MAP6: variants seen among roughly 807,000 people sequenced by gnomAD.
MAP6 encodes microtubule associated protein 6, also known as microtubule-associated protein 6.
A neutral mutation model predicts 42.4 loss-of-function variants in MAP6; 26 were observed. That is an observed-to-expected ratio of 0.61 (90% CI 0.45 to 0.85). MAP6 has a LOEUF of 0.85. Ranked by LOEUF, MAP6 falls within the 40% of genes least tolerant of loss-of-function variation. MAP6 has a pLI of 0.00. For synonymous variants in MAP6, 418 were observed against 443.8 expected, an observed-to-expected ratio of 0.94 and a Z score of 0.73; for missense variants, 966 against 1,099.0, an observed-to-expected ratio of 0.88 and a Z score of 1.71.
intron 1 of MAP6, among the ~76,000 whole-genome samples, chr11:75,626,268 G>T (rs1943192267): frequency 6.6e-6 from 1 of 152,196 alleles, no homozygotes; most frequent in African/African-American, 2.4e-5. Flanking sequence ...AAGAATCATG[G>T]AGTAGCAGAG....
intron 1 of MAP6, among the ~76,000 whole-genome samples, chr11:75,655,672 G>C (rs1280819332): frequency 6.6e-6 from 1 of 152,236 alleles, no homozygotes; most frequent in Non-Finnish European, 1.5e-5. Context: ...TTAGTGGAGG[G>C]AGATGGTATG....
intron 3 of MAP6, among the ~76,000 whole-genome samples, chr11:75,593,655 G>T (rs571946017): frequency 1.3e-5 from 2 of 152,250 alleles, no homozygotes; most frequent in Admixed American, 1.3e-4. Flanking sequence ...AATTCAGAGA[G>T]TGGGGAGCCT....
At position 75,668,821 on chromosome 11, in the gene MAP6, G is replaced by A; in HGVS notation, c.-452C>T. 6.3e-6 allele frequency: 1 copy of A among 158,562 alleles called. No homozygotes were observed. Among genetic ancestry groups the A allele is most frequent in the Non-Finnish European group, 1.4e-5 (1 of 71,674 alleles). The allele number at this position is 158,562 out of a possible 1,614,324, so 9.8% of individuals were successfully genotyped here. On this transcript the variant is annotated 5_prime_UTR_variant, in exon 1 of 4. Transcript: ENST00000304771. The stretch of plus-strand genomic sequence containing the variant: ...CCGGGCTCGAGTCTCCTTCCTGCCG[G>A]CGTCCTAGTGCAGCCGGCCACCTAG...
intron 1 of MAP6, among the ~76,000 whole-genome samples, chr11:75,647,670 G>A (rs1032355391): frequency 3.3e-5 from 5 of 152,132 alleles, no homozygotes; most frequent in African/African-American, 1.2e-4. Flanking sequence ...GAAGACTTGA[G>A]GAAAGGGAAT....
intron 1 of MAP6, among the ~76,000 whole-genome samples, chr11:75,648,628 CACTG>C (rs1382186396): frequency 4.6e-5 from 7 of 152,216 alleles, no homozygotes; most frequent in Middle Eastern, 3.4e-3. Context: ...GGACTAAGTC[CACTG>C]AATACACTAA....
chr11:75,642,332 G>A (rs1284280102), intron 1 of MAP6, among the ~76,000 whole-genome samples: 1 of 152,196 alleles, frequency 6.6e-6, no homozygotes, highest in Non-Finnish European at 1.5e-5. Context: ...AAGTAATGGA[G>A]TAAATGTTAA....
chr11:75,626,697 A>G (rs1212673108), intron 1 of MAP6, among the ~76,000 whole-genome samples: 1 of 152,184 alleles, frequency 6.6e-6, no homozygotes, highest in Non-Finnish European at 1.5e-5. Flanking sequence ...TACTTAATTT[A>G]AATCTCAGAG....
Position 75,667,377 on chromosome 11 carries a change from G to T in MAP6, c.905+88C>A. 2.4e-6 allele frequency: 3 copies of T among 1,249,850 alleles called. No individual in the cohort carries two copies. Among genetic ancestry groups the T allele is most frequent in the South Asian group, 1.7e-5 (1 of 58,470 alleles). The allele number at this position is 1,249,850 out of a possible 1,614,324, so 77.4% of individuals were successfully genotyped here. ...GGGACTGGAGGGAGGCTGCACGCTA[G>T]GCCTGCGCTGGGGATCCTGGGCCCC... On this transcript the variant is annotated intron_variant, in intron 1 of 3. Coordinates refer to ENST00000304771, the MANE Select transcript of MAP6 (RefSeq NM_033063.2). This position sits in a 1 kb window ranked among gnomAD's most constrained non-coding sequence, Gnocchi z 5.6.
chr11:75,656,589 C>G (rs1327102602), intron 1 of MAP6, among the ~76,000 whole-genome samples: 2 of 152,110 alleles, frequency 1.3e-5, no homozygotes, highest in Non-Finnish European at 2.9e-5. Flanking sequence ...TTGCTGACTC[C>G]TCCCTCACAT....
chr11:75,591,894 G>A (rs1350946046), intron 3 of MAP6, among the ~76,000 whole-genome samples: 2 of 152,194 alleles, frequency 1.3e-5, no homozygotes, highest in African/African-American at 4.8e-5. Flanking sequence ...TGCTAGGTGG[G>A]CGTCTGGAAT....
chr11:75,660,155 T>C (rs936752791), intron 1 of MAP6, among the ~76,000 whole-genome samples: 1 of 152,226 alleles, frequency 6.6e-6, no homozygotes, highest in South Asian at 2.1e-4. Flanking sequence ...ATATCCCTTC[T>C]GCTGTCAGTA....
intron 3 of MAP6, chr11:75,605,500 C>T (rs1480208492): frequency 8.8e-6 from 10 of 1,142,228 alleles, no homozygotes; most frequent in Middle Eastern, 3.8e-4. Flanking sequence ...AGATTCGTTT[C>T]GCCTCTCAGA....
In MAP6 at chr11:75,628,600, T is replaced by A. The variant is rs569282967; in HGVS notation, c.906-20278A>T. 1.8e-4 allele frequency among the ~76,000 whole-genome samples: 28 copies of A among 152,312 alleles called. 1 individual carries two copies. In the South Asian group the frequency reaches 5.8e-3, roughly 32 times the overall value. On this transcript the variant is annotated intron_variant, in intron 1 of 3. Coordinates refer to ENST00000304771, the MANE Select transcript of MAP6 (RefSeq NM_033063.2). ...CAGAGCGGCAGGAGGGAGAAAAACA[T>A]TCACTTTAAATAGACTGACTACTTT...
chr11:75,608,421 CT>C, intron 1 of MAP6, 99 bp from the exon 2 acceptor site: 7 of 899,120 alleles, frequency 7.8e-6, no homozygotes, highest in South Asian at 1.6e-5. Context: ...TCCATCAGTG[CT>C]TGCAGCATTG....
chr11:75,609,966 G>C (rs1942860925), intron 1 of MAP6, among the ~76,000 whole-genome samples: 1 of 152,196 alleles, frequency 6.6e-6, no homozygotes, highest in Admixed American at 6.5e-5. Context: ...ACCAATTCCT[G>C]GATTAGTGTA....
Position 75,667,578 on chromosome 11 carries a change from G to C in MAP6, c.792C>G (p.Ala264=), listed in dbSNP as rs1011449512. 3.7e-5 allele frequency: 52 copies of C among 1,414,544 alleles called. No individual in the cohort carries two copies. In the Middle Eastern group the frequency reaches 7.6e-4, roughly 21 times the overall value. The allele number at this position is 1,414,544 out of a possible 1,614,324, so 87.6% of individuals were successfully genotyped here. ...GGCCGGTGGCCTGGACCTGGGCCTGGGCCGCGGGCAGCGGCGTCTGCTCGT... is the reference window on the plus strand; with the variant it reads ...GGCCGGTGGCCTGGACCTGGGCCTGCGCCGCGGGCAGCGGCGTCTGCTCGT... ...LGHEQTPLPA[A]QAQVQATGPE... Residue 264 remains alanine, a synonymous_variant, in exon 1 of 4, where the codon GCC becomes GCG. Coordinates refer to ENST00000304771, the MANE Select transcript of MAP6 (RefSeq NM_033063.2). The surrounding 1 kb of genome is among the most constrained non-coding windows in gnomAD (Gnocchi z 5.6).
At chr11:75,597,268 G>C (rs1942596845) in intron 3 of MAP6, 1 of 152,236 alleles carries the variant, frequency 6.6e-6, no homozygotes. Flanking sequence ...CCTCCAGGCA[G>C]ACATGTTCTT....
At chr11:75,617,884 G>A (rs1349589796) in intron 1 of MAP6, among the ~76,000 whole-genome samples, 7 of 152,108 alleles carry the variant, frequency 4.6e-5, no homozygotes, top group African/African-American at 9.7e-5. Flanking sequence ...AGAAGGCTAC[G>A]CTCTTTTGGT....
chr11:75,647,195 G>T (rs1355749096), intron 1 of MAP6, among the ~76,000 whole-genome samples: 2 of 151,594 alleles, frequency 1.3e-5, no homozygotes. Flanking sequence ...TGTTGGCCAG[G>T]CTGGACTCAA....
Sources: gnomAD v4.1 joint callset for allele counts (sites outside exome capture counted in the v4.1 genomes callset) on GRCh38, gnomAD v4.1.1 for gene constraint, Gnocchi (gnomAD v3.1) non-coding constraint, MANE v1.5 for transcripts, NCBI Gene and HGNC (gene_info 2026-07-23, HGNC 2026-07-21) for gene names.